Variants in CTNNA2 observed in about 807,000 individuals in gnomAD.
CTNNA2 encodes catenin alpha 2, also known as catenin alpha-2.
In CTNNA2, 42 loss-of-function variants were observed where a neutral mutation model predicts 101.0. The observed-to-expected ratio is 0.42, with a 90% CI of 0.32 to 0.54. CTNNA2 has a LOEUF of 0.54. Among genes scored for constraint, CTNNA2 ranks in the 20% least tolerant of loss-of-function variants. The probability of loss-of-function intolerance (pLI) is 0.14; values close to 1 mark genes in which losing one functional copy is unlikely to be tolerated. For synonymous variants in CTNNA2, 450 were observed against 456.4 expected, an observed-to-expected ratio of 0.99 and a Z score of 0.18; for missense variants, 871 against 1,223.1, an observed-to-expected ratio of 0.71 and a Z score of 4.29.
intron 7 of CTNNA2, among the ~76,000 whole-genome samples, chr2:80,346,386 A>G (rs1672737396): frequency 1.3e-5 from 2 of 152,116 alleles, no homozygotes; most frequent in Non-Finnish European, 2.9e-5. Flanking sequence ...GAGAGGTGCC[A>G]CACACTTTTA....
chr2:80,503,969 A>G (rs1688071095), intron 9 of CTNNA2, among the ~76,000 whole-genome samples: 2 of 152,188 alleles, frequency 1.3e-5, no homozygotes, highest in South Asian at 4.1e-4. Context: ...TTCATTTTCC[A>G]TTGCTATTTT....
intron 17 of CTNNA2, among the ~76,000 whole-genome samples, chr2:80,610,262 C>T (rs1698348218): frequency 6.6e-6 from 1 of 151,528 alleles, no homozygotes; most frequent in African/African-American, 2.4e-5. Flanking sequence ...TTTCTTCATG[C>T]TCCTTCACTG....
rs1247664243 is a variant in CTNNA2 at position 80,589,890 on chromosome 2, G to C, written c.2189+405G>C. Reference sequence around the variant, plus strand: ...TGTGTGTGTGTGTGTGTGTGTGTGTGTGTGTGTGTGTGTGTGCGCGCGCGC... The same window carrying C: ...TGTGTGTGTGTGTGTGTGTGTGTGTCTGTGTGTGTGTGTGTGCGCGCGCGC... On this transcript the variant is annotated intron_variant, in intron 15 of 18. Transcript: ENST00000402739. 2.0e-5 allele frequency among the ~76,000 whole-genome samples: 3 copies of C among 148,798 alleles called. No individual in the cohort carries two copies. The South Asian group carries it at 6.3e-4, about 31-fold the overall frequency.
Position 80,608,087 on chromosome 2 carries a change from T to A in CTNNA2, c.2296-97T>A, listed in dbSNP as rs1558639892. Reference sequence around the variant, plus strand: ...GTTAAATGAATGTAATTAAGGTATATGACACTGAAAACTTTTCTTCCTGCA... The same window carrying A: ...GTTAAATGAATGTAATTAAGGTATAAGACACTGAAAACTTTTCTTCCTGCA... On this transcript the variant is annotated intron_variant, in intron 16 of 18. Coordinates refer to ENST00000402739, the MANE Select transcript of CTNNA2 (RefSeq NM_001282597.3). 2.5e-6 allele frequency: 3 copies of A among 1,202,026 alleles called. No individual in the cohort carries two copies. In the East Asian group the frequency reaches 7.2e-5, roughly 29 times the overall value. The allele number at this position is 1,202,026 out of a possible 1,614,324, so 74.5% of individuals were successfully genotyped here.
In CTNNA2 at chr2:80,010,855, C is replaced by T. The variant is rs1433284687; in HGVS notation, c.1056+101058C>T. On this transcript the variant is annotated intron_variant, in intron 7 of 18. Coordinates refer to ENST00000402739, the MANE Select transcript of CTNNA2 (RefSeq NM_001282597.3). ...AGGAATACATTTTTGCAACTTTTTC[C>T]AGAATCTTTGCTCTTGTTCAAAATT... Among the ~76,000 whole-genome samples the T allele has an allele frequency of 2.0e-5, 3 of 152,082 alleles. No homozygotes were observed. The East Asian group carries it at 5.8e-4, about 30-fold the overall frequency.
At chr2:80,577,782 T>C (rs1275709653) in intron 13 of CTNNA2, among the ~76,000 whole-genome samples, 1 of 138,882 alleles carries the variant, frequency 7.2e-6, no homozygotes, top group Non-Finnish European at 1.5e-5. Context: ...TGTTGGGAAA[T>C]CCTACCTCAT....
intron 7 of CTNNA2, among the ~76,000 whole-genome samples, chr2:80,327,531 CA>C (rs35453202): frequency 0.32 from 47,705 of 147,826 alleles, 7,991 homozygotes; most frequent in African/African-American, 0.45. Context: ...TTATTTAAGA[CA>C]AAAAAAAAAG....
chr2:79,219,367 C>T (rs921731626), intron 2 of CTNNA2, among the ~76,000 whole-genome samples: 3 of 152,102 alleles, frequency 2.0e-5, no homozygotes, highest in Non-Finnish European at 4.4e-5. Flanking sequence ...TGTTTTATTT[C>T]GCACCGTCCT....
intron 7 of CTNNA2, among the ~76,000 whole-genome samples, chr2:79,956,868 T>TTTTTTTTTTTTTC (rs1276504498): frequency 8.3e-6 from 1 of 120,070 alleles, no homozygotes; most frequent in Admixed American, 9.6e-5. Flanking sequence ...TTTTTTTTTT[T>TTTTTTTTTTTTTC]CAGTGTATGA....
rs70940088 is a variant in CTNNA2 at position 80,569,633 on chromosome 2, G to GTTTTTTTTTTTTTTTTTTTT, written c.1742-4522_1742-4503dup. Among the ~76,000 whole-genome samples, 309 of 51,718 alleles carry GTTTTTTTTTTTTTTTTTTTT rather than the reference G, an allele frequency of 6.0e-3. 75 individuals are homozygous for GTTTTTTTTTTTTTTTTTTTT. Among genetic ancestry groups the GTTTTTTTTTTTTTTTTTTTT allele is most frequent in the Non-Finnish European group, 8.3e-3 (212 of 25,572 alleles). 33.9% of individuals were successfully genotyped at this position (51,718 alleles called of 152,430 possible). ...TCAGTATTACTTTTGGGGTATTTAG[G>GTTTTTTTTTTTTTTTTTTTT]TTTTTTTTTTTTTTTTTTTTTTTTT... On this transcript the variant is annotated intron_variant, in intron 12 of 18. Coordinates refer to ENST00000402739, the MANE Select transcript of CTNNA2 (RefSeq NM_001282597.3).
At chr2:79,918,194 C>T (rs1686400090) in intron 7 of CTNNA2, among the ~76,000 whole-genome samples, 2 of 152,142 alleles carry the variant, frequency 1.3e-5, no homozygotes, top group African/African-American at 4.8e-5. Context: ...CTTTTTCTTC[C>T]TTCCAACTGT....
chr2:79,937,573 CA>C (rs1188236532), intron 7 of CTNNA2, among the ~76,000 whole-genome samples: 2 of 152,070 alleles, frequency 1.3e-5, no homozygotes, highest in African/African-American at 4.8e-5. Context: ...ACTATGCCTT[CA>C]AAGGAACATT....
At chr2:79,495,591 G>A (rs1353221783) in intron 4 of CTNNA2, among the ~76,000 whole-genome samples, 1 of 152,102 alleles carries the variant, frequency 6.6e-6, no homozygotes, top group East Asian at 1.9e-4. Flanking sequence ...GAGTTACCAC[G>A]TGACCAGGCA....
chr2:80,043,198 C>CTT (rs1331031989), intron 7 of CTNNA2, among the ~76,000 whole-genome samples: 73 of 101,888 alleles, frequency 7.2e-4, no homozygotes, highest in African/African-American at 2.3e-3. Flanking sequence ...TTCTTTCTTT[C>CTT]TCTCTCTCTT....
At chr2:79,437,850 G>T (rs1021998861) in intron 4 of CTNNA2, among the ~76,000 whole-genome samples, 46 of 152,140 alleles carry the variant, frequency 3.0e-4, no homozygotes, top group Non-Finnish European at 8.8e-5. Flanking sequence ...TTCCAGCGCT[G>T]AACCACGCAA....
chr2:79,816,597 T>C (rs1677521875), intron 3 of CTNNA2, among the ~76,000 whole-genome samples: 1 of 152,064 alleles, frequency 6.6e-6, no homozygotes, highest in Admixed American at 6.6e-5. Flanking sequence ...AGTTCAAAGA[T>C]CAACCCCGAG....
chr2:79,845,314 T>C (rs1167236019), intron 3 of CTNNA2, among the ~76,000 whole-genome samples: 1 of 151,920 alleles, frequency 6.6e-6, no homozygotes, highest in Non-Finnish European at 1.5e-5. Flanking sequence ...TGACTTCATG[T>C]TGAATATCTA....
intron 9 of CTNNA2, among the ~76,000 whole-genome samples, chr2:80,497,005 A>G (rs1197387178): frequency 6.6e-6 from 1 of 152,156 alleles, no homozygotes; most frequent in Non-Finnish European, 1.5e-5. Flanking sequence ...AGCGCCTGAA[A>G]GAATTTGAGG....
At chr2:79,449,902 G>A (rs1162618601) in intron 4 of CTNNA2, among the ~76,000 whole-genome samples, 1 of 151,992 alleles carries the variant, frequency 6.6e-6, no homozygotes, top group African/African-American at 2.4e-5. Flanking sequence ...GGGGTTTAAA[G>A]GATAGTTCTT....
Sources: allele counts gnomAD v4.1 joint callset (sites outside exome capture counted in the v4.1 genomes callset), GRCh38; gene constraint gnomAD v4.1.1; transcripts MANE v1.5; gene names NCBI Gene and HGNC (gene_info 2026-07-23, HGNC 2026-07-21).